Variants in CLASP2 observed in about 807,000 individuals in gnomAD.
CLASP2 encodes CLIP-associating protein 2.
A neutral mutation model predicts 194.4 loss-of-function variants in CLASP2; 47 were observed. The observed-to-expected ratio is 0.24, with a 90% confidence interval of 0.19 to 0.31. The LOEUF (loss-of-function observed/expected upper bound fraction) is 0.31. Ranked by LOEUF, CLASP2 falls within the 10% of genes least tolerant of loss-of-function variation. CLASP2 has a pLI of 1.00. For missense variants in CLASP2, 1,445 were observed against 1,823.6 expected (o/e 0.79, Z 3.78); for synonymous variants, 619 against 633.5 (o/e 0.98, Z 0.34).
chr3:33,655,486 C>G (rs1161147946), intron 7 of CLASP2, among the ~76,000 whole-genome samples: 5 of 152,126 alleles, frequency 3.3e-5, no homozygotes, highest in African/African-American at 1.2e-4. Context: ...TACTTACTGC[C>G]TGTATTACTG....
chr3:33,600,112 C>T (rs562860437), intron 18 of CLASP2, among the ~76,000 whole-genome samples: 167 of 151,532 alleles, frequency 1.1e-3, no homozygotes, highest in Non-Finnish European at 1.8e-3. Flanking sequence ...GTGTGGATTC[C>T]TTAGGATTTT....
At chr3:33,577,175 G>A (rs1560118034) in intron 23 of CLASP2, 2 of 1,523,910 alleles carry the variant, frequency 1.3e-6, no homozygotes, top group Non-Finnish European at 1.8e-6. Context: ...AATGCCAGAT[G>A]ATAGTGAAAA....
At chr3:33,518,478 C>T (rs999052129) in intron 34 of CLASP2, among the ~76,000 whole-genome samples, 2 of 152,306 alleles carry the variant, frequency 1.3e-5, no homozygotes, top group East Asian at 3.9e-4. Context: ...AGACTAATTT[C>T]CTTCCCATCT....
chr3:33,635,030 C>A (rs1395889924), intron 8 of CLASP2, among the ~76,000 whole-genome samples: 1 of 151,904 alleles, frequency 6.6e-6, no homozygotes, highest in Non-Finnish European at 1.5e-5. Context: ...GCCAGACAGA[C>A]TGCCTGAGCT....
intron 8 of CLASP2, among the ~76,000 whole-genome samples, chr3:33,633,962 C>A (rs2079606213): frequency 6.6e-6 from 1 of 152,074 alleles, no homozygotes; most frequent in South Asian, 2.1e-4. Flanking sequence ...TGTGAAATTT[C>A]CAGATTAATG....
chr3:33,673,353 G>A (rs1401246604), intron 6 of CLASP2, among the ~76,000 whole-genome samples: 1 of 152,192 alleles, frequency 6.6e-6, no homozygotes, highest in Non-Finnish European at 1.5e-5. Flanking sequence ...AGCTTCAGAA[G>A]TGAAGGAGAA....
At chr3:33,628,227 T>C (rs1487754518) in intron 9 of CLASP2, among the ~76,000 whole-genome samples, 1 of 152,046 alleles carries the variant, frequency 6.6e-6, no homozygotes, top group Non-Finnish European at 1.5e-5. Context: ...GCTGAAGAGG[T>C]AGATGGTGAC....
chr3:33,615,574 A>G (rs1401243763), intron 12 of CLASP2, among the ~76,000 whole-genome samples: 1 of 150,692 alleles, frequency 6.6e-6, no homozygotes, highest in African/African-American at 2.4e-5. Flanking sequence ...AAAAAAAAAG[A>G]GACCATAAAG....
At chr3:33,629,192 T>TA (rs2078606975) in intron 9 of CLASP2, among the ~76,000 whole-genome samples, 1 of 152,080 alleles carries the variant, frequency 6.6e-6, no homozygotes, top group Non-Finnish European at 1.5e-5. Flanking sequence ...AGGGCCAAAA[T>TA]AAAAAATAGT....
rs869035614 is a variant in CLASP2, at chr3:33,695,240, TG to T, written c.274+1614del. Among the ~76,000 whole-genome samples, 26 of 145,404 alleles carry T rather than the reference TG, an allele frequency of 1.8e-4. 1 individual carries two copies. The highest frequency in any genetic ancestry group is 2.9e-4 in the Non-Finnish European group (19 of 66,232). On this transcript the variant is annotated intron_variant, in intron 2 of 38. Transcript: ENST00000682230. Reference sequence around the variant, plus strand: ...TGCTAATTTTTTTTTTTTTTTTTTTTGGTAGAAACATGGTCTCACTCTATTG... The same window carrying T: ...TGCTAATTTTTTTTTTTTTTTTTTTTGTAGAAACATGGTCTCACTCTATTG...
chr3:33,571,047 G>A (rs1417219868), intron 25 of CLASP2, among the ~76,000 whole-genome samples: 1 of 107,146 alleles, frequency 9.3e-6, no homozygotes, highest in African/African-American at 3.1e-5. Flanking sequence ...ACGGAGTCTC[G>A]CTGTCGCCCA....
intron 35 of CLASP2, 78 bp from the exon 36 acceptor site, chr3:33,516,229 G>C: frequency 2.9e-6 from 4 of 1,381,964 alleles, no homozygotes; most frequent in Non-Finnish European, 9.7e-7. Context: ...TGTAACTTAA[G>C]GGTCTTAATA....
chr3:33,696,457 C>T (rs547191183), intron 2 of CLASP2, among the ~76,000 whole-genome samples: 9 of 129,694 alleles, frequency 6.9e-5, no homozygotes, highest in South Asian at 2.7e-4. Flanking sequence ...CTCTGGGTTA[C>T]ATAACATTAC....
At chr3:33,662,303 A>G (rs150519842) in intron 7 of CLASP2, among the ~76,000 whole-genome samples, 154 of 152,324 alleles carry the variant, frequency 1.0e-3, no homozygotes, top group African/African-American at 3.2e-3. Flanking sequence ...AAATACACAA[A>G]CGATCATGTT....
In CLASP2 at chr3:33,523,190, A is replaced by G. The variant is rs1421963180; in HGVS notation, c.3788-6016T>C. On this transcript the variant is annotated intron_variant, in intron 34 of 38. Coordinates refer to ENST00000682230, the MANE Select transcript of CLASP2 (RefSeq NM_001365631.1). Reference sequence around the variant, plus strand: ...CTAAGGGATATGTGAGACATCATCAAGTGAACAAATCTACTCATTGTGGGA... The same window carrying G: ...CTAAGGGATATGTGAGACATCATCAGGTGAACAAATCTACTCATTGTGGGA... Among the ~76,000 whole-genome samples, 3 of 152,250 alleles carry G rather than the reference A, an allele frequency of 2.0e-5. 1 individual carries two copies. Among genetic ancestry groups the G allele is most frequent in the Non-Finnish European group, 1.5e-5 (1 of 68,038 alleles).
intron 37 of CLASP2, among the ~76,000 whole-genome samples, chr3:33,510,202 G>A (rs1477898445): frequency 2.6e-5 from 4 of 152,160 alleles, no homozygotes; most frequent in Admixed American, 2.6e-4. Flanking sequence ...GAGGTTACCA[G>A]GTGCTGGGGG....
chr3:33,549,534 CCTTT>C (rs146525621), intron 30 of CLASP2, among the ~76,000 whole-genome samples: 1,876 of 152,126 alleles, frequency 0.012, 13 homozygotes, highest in Middle Eastern at 0.044. Context: ...TTTCTAAATA[CCTTT>C]CTATTATTGA....
chr3:33,563,567 G>C (rs2062142585), intron 27 of CLASP2, among the ~76,000 whole-genome samples: 1 of 152,138 alleles, frequency 6.6e-6, no homozygotes, highest in African/African-American at 2.4e-5. Context: ...ATATCCTAGG[G>C]CTTTGCAAGC....
intron 34 of CLASP2, among the ~76,000 whole-genome samples, chr3:33,523,650 C>T (rs184122388): frequency 8.5e-5 from 13 of 152,230 alleles, no homozygotes; most frequent in East Asian, 7.7e-4. Context: ...TCTCAATAAA[C>T]GTAAATATAT....
Sources: allele counts gnomAD v4.1 joint callset (sites outside exome capture counted in the v4.1 genomes callset), GRCh38; gene constraint gnomAD v4.1.1; transcripts MANE v1.5; gene names NCBI Gene and HGNC (gene_info 2026-07-23, HGNC 2026-07-21).